Variants in PTPN11 observed in about 807,000 individuals in gnomAD.
PTPN11 encodes the protein protein tyrosine phosphatase non-receptor type 11, also known as tyrosine-protein phosphatase non-receptor type 11.
Under a neutral mutation model 78.8 loss-of-function variants are expected in PTPN11, and 6 were observed. The ratio of observed to expected loss-of-function variants is 0.08; its 90% CI spans 0.04 to 0.15. The LOEUF is 0.15. Ranked by LOEUF, PTPN11 falls within the 10% of genes least tolerant of loss-of-function variation. The pLI is 1.00. For synonymous variants in PTPN11, 221 were observed against 263.5 expected (o/e 0.84, Z 1.56); for missense variants, 386 against 744.8 (o/e 0.52, Z 5.61).
chr12:112,446,148 G>A, intron 1 of PTPN11, 128 bp from the exon 2 acceptor site: 1 of 1,169,334 alleles, frequency 8.6e-7, no homozygotes, highest in Non-Finnish European at 1.2e-6. Flanking sequence ...GAAGGGACAG[G>A]GAAGGTCTTG....
At chr12:112,424,015 G>A (rs1428282629) in intron 1 of PTPN11, among the ~76,000 whole-genome samples, 1 of 152,108 alleles carries the variant, frequency 6.6e-6, no homozygotes. Flanking sequence ...GCCTTCCAAA[G>A]TACTAGGATT....
At chr12:112,500,542 A>T (rs1003990773) in intron 13 of PTPN11, among the ~76,000 whole-genome samples, 13 of 152,174 alleles carry the variant, frequency 8.5e-5, no homozygotes, top group Admixed American at 1.3e-4. Context: ...ATCACTTAAT[A>T]AATTGGTTTG....
At chr12:112,499,247 C>T (rs2135926387) in intron 13 of PTPN11, among the ~76,000 whole-genome samples, 1 of 151,838 alleles carries the variant, frequency 6.6e-6, no homozygotes, top group East Asian at 1.9e-4. Context: ...CAGTTTTACT[C>T]CTCAGTTTCT....
chr12:112,450,584 C>A, intron 3 of PTPN11, 72 bp downstream of exon 3: 1 of 1,389,726 alleles, frequency 7.2e-7, no homozygotes, highest in Non-Finnish European at 1.0e-6. Flanking sequence ...GCATGACGGT[C>A]TGTGTATGAC....
intron 1 of PTPN11, among the ~76,000 whole-genome samples, chr12:112,424,497 A>C (rs1594124741): frequency 2.0e-5 from 3 of 152,198 alleles, no homozygotes; most frequent in African/African-American, 7.2e-5. Flanking sequence ...AGGCAGGAGT[A>C]GATTCAGGGA....
chr12:112,456,498 G>A (rs941224161), intron 6 of PTPN11, among the ~76,000 whole-genome samples: 5 of 145,332 alleles, frequency 3.4e-5, no homozygotes, highest in South Asian at 2.2e-4. Context: ...TCGCTCTGTC[G>A]CCGAAGCTGG....
chr12:112,430,858 A>G (rs1250907309), intron 1 of PTPN11, among the ~76,000 whole-genome samples: 2 of 152,102 alleles, frequency 1.3e-5, no homozygotes, highest in Non-Finnish European at 2.9e-5. Flanking sequence ...TTTTTGGCTC[A>G]TATGCATAGG....
chr12:112,466,879 G>C (rs2038333923), intron 6 of PTPN11, among the ~76,000 whole-genome samples: 1 of 152,054 alleles, frequency 6.6e-6, no homozygotes, highest in South Asian at 2.1e-4. Flanking sequence ...GCCTGGCTCA[G>C]CCAGTTTATT....
intron 1 of PTPN11, among the ~76,000 whole-genome samples, chr12:112,433,711 G>A (rs1764692706): frequency 6.6e-6 from 1 of 152,216 alleles, no homozygotes; most frequent in African/African-American, 2.4e-5. Context: ...AACACTTTGG[G>A]TGGCCAAAGA....
intron 1 of PTPN11, among the ~76,000 whole-genome samples, chr12:112,435,181 C>T (rs2037771051): frequency 6.6e-6 from 1 of 151,220 alleles, no homozygotes; most frequent in Admixed American, 6.6e-5. Flanking sequence ...ATCAATGCCC[C>T]ACCAATTTTT....
chr12:112,486,945 T>C, intron 11 of PTPN11: 1 of 1,320,778 alleles, frequency 7.6e-7, no homozygotes, highest in Non-Finnish European at 9.7e-7. Context: ...CTCCTTATTC[T>C]TCATGATGTT....
intron 6 of PTPN11, among the ~76,000 whole-genome samples, chr12:112,468,814 A>G (rs1021960303): frequency 1.3e-5 from 2 of 152,194 alleles, no homozygotes; most frequent in African/African-American, 4.8e-5. Flanking sequence ...CTGTAATCTC[A>G]GTGCTTTGGG....
At chr12:112,437,786 C>T (rs192970226) in intron 1 of PTPN11, among the ~76,000 whole-genome samples, 36 of 152,032 alleles carry the variant, frequency 2.4e-4, no homozygotes, top group Admixed American at 1.2e-3. Context: ...ATTTTCTGTG[C>T]GGTAGTTCCT....
At chr12:112,494,905 A>G (rs34072591) in intron 13 of PTPN11, among the ~76,000 whole-genome samples, 7 of 152,174 alleles carry the variant, frequency 4.6e-5, no homozygotes, top group Non-Finnish European at 8.8e-5. Context: ...AGGGATTGTG[A>G]GATGATATTG....
intron 1 of PTPN11, among the ~76,000 whole-genome samples, chr12:112,439,374 A>G (rs2037845967): frequency 6.6e-6 from 1 of 152,020 alleles, no homozygotes; most frequent in Admixed American, 6.6e-5. Flanking sequence ...GCTCACTGTA[A>G]CCTCTGCCTC....
chr12:112,483,810 C>G (rs552937422), intron 10 of PTPN11, among the ~76,000 whole-genome samples: 1 of 151,984 alleles, frequency 6.6e-6, no homozygotes, highest in Non-Finnish European at 1.5e-5. Context: ...GTACCAAGGG[C>G]GAGGGTGGTG....
intron 1 of PTPN11, 54 bp downstream of exon 1, chr12:112,419,179 C>T: frequency 6.9e-7 from 1 of 1,439,532 alleles, no homozygotes; most frequent in Non-Finnish European, 9.1e-7. Context: ...CCGCCGCGTT[C>T]GGTTAGCCCC....
intron 13 of PTPN11, among the ~76,000 whole-genome samples, chr12:112,497,453 A>G (rs1201038197): frequency 6.6e-6 from 1 of 152,184 alleles, no homozygotes; most frequent in East Asian, 1.9e-4. Context: ...GCCTCATGGA[A>G]CTGAAGTTTT....
At chr12:112,448,297 A>G (rs1364517506) in intron 2 of PTPN11, among the ~76,000 whole-genome samples, 1 of 147,818 alleles carries the variant, frequency 6.8e-6, no homozygotes, top group Admixed American at 6.8e-5. Context: ...CGCAACCTCC[A>G]CCTCCTGGGT....
Sources: gnomAD v4.1 joint callset for allele counts (sites outside exome capture counted in the v4.1 genomes callset) on GRCh38, gnomAD v4.1.1 for gene constraint, MANE v1.5 for transcripts, NCBI Gene and HGNC (gene_info 2026-07-23, HGNC 2026-07-21) for gene names.